Variants in TRAF3IP2 observed in about 807,000 individuals in gnomAD.
TRAF3IP2 encodes TRAF3 interacting protein 2.
Under a neutral mutation model 57.9 loss-of-function variants are expected in TRAF3IP2, and 35 were observed. The observed-to-expected ratio is 0.60, with a 90% CI of 0.46 to 0.80. The LOEUF (loss-of-function observed/expected upper bound fraction) is 0.80. TRAF3IP2 is among the 30% of genes least tolerant of loss of function. TRAF3IP2 has a pLI of 0.00. For synonymous variants in TRAF3IP2, 251 were observed against 268.9 expected (o/e 0.93, Z 0.65); for missense variants, 556 against 706.4 (o/e 0.79, Z 2.41).
intron 1 of TRAF3IP2, chr6:111,600,539 G>A (rs1415337493): frequency 1.3e-5 from 2 of 152,208 alleles, no homozygotes; most frequent in South Asian, 2.1e-4. Flanking sequence ...ATAAATCACG[G>A]GTTGGCAAAC....
At chr6:111,571,746 GAAAC>G (rs1437911376) in intron 5 of TRAF3IP2, among the ~76,000 whole-genome samples, 1 of 152,060 alleles carries the variant, frequency 6.6e-6, no homozygotes, top group East Asian at 1.9e-4. Context: ...CCAACATAGT[GAAAC>G]CCCATCTCTA....
intron 5 of TRAF3IP2, among the ~76,000 whole-genome samples, chr6:111,568,558 CAGGGAG>C (rs1184255903): frequency 6.6e-6 from 1 of 151,696 alleles, no homozygotes; most frequent in African/African-American, 2.4e-5. Context: ...ATGGGTGACT[CAGGGAG>C]AGTGTCCCTG....
chr6:111,568,432 A>AGTGTGTGT (rs58088162), intron 5 of TRAF3IP2, among the ~76,000 whole-genome samples: 91 of 146,818 alleles, frequency 6.2e-4, no homozygotes, highest in Non-Finnish European at 1.0e-3. Flanking sequence ...TATACTGCAG[A>AGTGTGTGT]GTGTGTGTGT....
chr6:111,567,690 A>C lies in TRAF3IP2; in HGVS notation c.1293T>G (p.Ile431Met). The change falls in exon 6 of 9, where the codon ATT becomes ATG. Residue 431 changes from isoleucine to methionine, a missense_variant and splice_region_variant. Physicochemically the swap from Ile to Met is conservative, Grantham distance 10 (BLOSUM62 1). Coordinates refer to ENST00000368761, the MANE Select transcript of TRAF3IP2 (RefSeq NM_147686.4). ...FLLVNGFQTAIDIFEDRIRGI... is the reference protein window; with the variant it reads ...FLLVNGFQTAMDIFEDRIRGI... ...CTCGGATTCTATCCTCAAATATGTC[A>C]ATCTGCAAAAAAAAAGATGTGGGAG... is the stretch of plus-strand genomic sequence containing the variant. 1 of 1,603,350 alleles carries C rather than the reference A, an allele frequency of 6.2e-7. No homozygotes were observed. Among genetic ancestry groups the C allele is most frequent in the Non-Finnish European group, 8.5e-7 (1 of 1,176,434 alleles).
rs993768636 is a variant in TRAF3IP2, at chr6:111,580,201, G to A, written c.1018C>T (p.His340Tyr). The part of the protein sequence containing the change: ...RDCSFPGLPR[H>Y]QDQPHHQPPN... Reference sequence around the variant, plus strand: ...GGTTGGGCCTGTCATACTTACTGGTGCCTTGGAAGCCCCGGAAAGGAGCAG... The same window carrying A: ...GGTTGGGCCTGTCATACTTACTGGTACCTTGGAAGCCCCGGAAAGGAGCAG... Residue 340 changes from histidine to tyrosine, a missense_variant, in exon 3 of 9, where the codon CAC becomes TAC. This residue lies in a region of TRAF3IP2 where 428 missense variants were observed against 498.7 expected (regional missense o/e 0.86). Transcript: ENST00000368761. 3 of 1,613,904 alleles carry A rather than the reference G, an allele frequency of 1.9e-6. No individual in the cohort carries two copies. The highest frequency in any genetic ancestry group is 1.3e-5 in the African/African-American group (1 of 75,048).
In TRAF3IP2 at chr6:111,558,266, C is replaced by T. The variant is rs1240661583; in HGVS notation, c.*1139G>A. Reference sequence around the variant, plus strand: ...GTCATACAGCTAATTGGTGGTAGAACCAAAATTAGAACACAGACTACAATT... The same window carrying T: ...GTCATACAGCTAATTGGTGGTAGAATCAAAATTAGAACACAGACTACAATT... On this transcript the variant is annotated 3_prime_UTR_variant, in exon 9 of 9. Transcript: ENST00000368761. The T allele has an allele frequency of 2.0e-5, 3 of 152,146 alleles. No homozygotes were observed. Among genetic ancestry groups the T allele is most frequent in the African/African-American group, 4.8e-5 (2 of 41,416 alleles). The allele number at this position is 152,146 out of a possible 1,614,324, so 9.4% of individuals were successfully genotyped here. A position where few individuals can be genotyped will look rare whatever the true frequency, so the allele number is the denominator to read the frequency against.
intron 1 of TRAF3IP2, among the ~76,000 whole-genome samples, chr6:111,592,998 G>GT (rs1796568002): frequency 1.3e-5 from 2 of 152,190 alleles, no homozygotes; most frequent in African/African-American, 4.8e-5. Flanking sequence ...GCTTTTAGCT[G>GT]TAAGAAGAAC....
intron 2 of TRAF3IP2, among the ~76,000 whole-genome samples, chr6:111,583,146 T>C (rs1464929481): frequency 6.6e-6 from 1 of 152,232 alleles, no homozygotes; most frequent in East Asian, 1.9e-4. Context: ...TGTGAAAGCA[T>C]GGACTGTGTC....
intron 2 of TRAF3IP2, among the ~76,000 whole-genome samples, chr6:111,583,644 T>C (rs979544987): frequency 1.3e-5 from 2 of 152,234 alleles, no homozygotes; most frequent in Non-Finnish European, 2.9e-5. Context: ...GGGCTCCCAC[T>C]GATTCTACAT....
In TRAF3IP2 at chr6:111,580,366, C is replaced by A; in HGVS notation, c.853G>T (p.Ala285Ser). The A allele has an allele frequency of 6.4e-7, 1 of 1,571,616 alleles. No individual in the cohort carries two copies. The highest frequency in any genetic ancestry group is 8.6e-7 in the Non-Finnish European group (1 of 1,163,238). Residue 285 changes from alanine (A) to serine (S), a missense_variant, in exon 3 of 9, where the codon GCC becomes TCC. Physicochemically the swap from Ala to Ser is moderately conservative, Grantham distance 99. Coordinates refer to ENST00000368761, the MANE Select transcript of TRAF3IP2 (RefSeq NM_147686.4). ...VPYGHDYPRA[A>S]YQQVIQPALP... ...GCCGGCTGGATCACTTGCTGGTAGG[C>A]TGCTCGAGGGTAGTCATGGCCATCT...
Position 111,591,396 on chromosome 6 carries a change from G to C in TRAF3IP2, c.691C>G (p.Leu231Val), listed in dbSNP as rs149860754. 38 of 1,549,478 alleles carry C rather than the reference G, an allele frequency of 2.5e-5. 1 individual carries two copies. Among genetic ancestry groups the C allele is most frequent in the Non-Finnish European group, 3.1e-5 (36 of 1,150,578 alleles). ...VCYPQDLPRPLRSREFPQFEP... is the reference protein window; with the variant it reads ...VCYPQDLPRPVRSREFPQFEP... Reference sequence around the variant, plus strand: ...AACTGAGGGAACTCCCTGGACCTGAGAGGTCTGGGGAGGTCCTGGGGGTAA... The same window carrying C: ...AACTGAGGGAACTCCCTGGACCTGACAGGTCTGGGGAGGTCCTGGGGGTAA... Residue 231 changes from leucine to valine, a missense_variant, in exon 2 of 9, where the codon CTC (leucine) becomes GTC (valine). Physicochemically the swap from Leu to Val is conservative, Grantham distance 32 (BLOSUM62 1). This residue lies in a region of TRAF3IP2 where 428 missense variants were observed against 498.7 expected (regional missense o/e 0.86). Coordinates refer to ENST00000368761, the MANE Select transcript of TRAF3IP2 (RefSeq NM_147686.4). This position sits in a 1 kb window ranked among gnomAD's most constrained non-coding sequence, Gnocchi z 4.9.
At position 111,558,733 on chromosome 6, in the gene TRAF3IP2, C is replaced by A. The variant is rs1267953321; in HGVS notation, c.*672G>T. On this transcript the variant is annotated 3_prime_UTR_variant, in exon 9 of 9. Transcript: ENST00000368761. ...TACAGGTGTGAGTCACTGCGCCCAG[C>A]CTAAAAATCTTTATTGCAAGAATAA... is the stretch of plus-strand genomic sequence containing the variant. 6.6e-6 allele frequency: 1 copy of A among 152,134 alleles called. No homozygotes were observed. Among genetic ancestry groups the A allele is most frequent in the Non-Finnish European group, 1.5e-5 (1 of 68,048 alleles). The allele number at this position is 152,134 out of a possible 1,614,324, so 9.4% of individuals were successfully genotyped here.
intron 1 of TRAF3IP2, chr6:111,594,448 T>C (rs1283995378): frequency 9.2e-6 from 4 of 432,676 alleles, no homozygotes; most frequent in Non-Finnish European, 1.8e-5. Context: ...TTTTCCAGTG[T>C]GAGTACCTTA....
Position 111,591,118 on chromosome 6 carries a change from A to G in TRAF3IP2, c.829+140T>C. On this transcript the variant is annotated intron_variant, in intron 2 of 8. Coordinates refer to ENST00000368761, the MANE Select transcript of TRAF3IP2 (RefSeq NM_147686.4). This position sits in a 1 kb window ranked among gnomAD's most constrained non-coding sequence, Gnocchi z 4.9. ...CCTTTGCAAATCCAGCCACACATGG[A>G]AAGCCCCTAAGAGAAGCAGAATGCC... is the stretch of plus-strand genomic sequence containing the variant. 3.5e-6 allele frequency: 2 copies of G among 573,140 alleles called. No homozygotes were observed. Among genetic ancestry groups the G allele is most frequent in the South Asian group, 1.3e-4 (2 of 15,900 alleles). 35.5% of individuals were successfully genotyped at this position (573,140 alleles called of 1,614,324 possible).
chr6:111,567,891 G>C (rs550714072), intron 5 of TRAF3IP2, among the ~76,000 whole-genome samples, 199 bp from the exon 6 acceptor site: 1 of 152,312 alleles, frequency 6.6e-6, no homozygotes, highest in South Asian at 2.1e-4. Flanking sequence ...AGGCATTTAA[G>C]TAGTTAATGT....
rs1266799553 is a variant in TRAF3IP2 at position 111,594,462 on chromosome 6, G to A, written c.-8-2368C>T. 1.3e-5 allele frequency: 6 copies of A among 447,502 alleles called. No individual in the cohort carries two copies. In the Admixed American group the frequency reaches 1.5e-4, roughly 11 times the overall value. The allele number at this position is 447,502 out of a possible 1,614,324, so 27.7% of individuals were successfully genotyped here. A position where few individuals can be genotyped will look rare whatever the true frequency, so the allele number is the denominator to read the frequency against. On this transcript the variant is annotated intron_variant, in intron 1 of 8. Transcript: ENST00000368761. ...GTTTTCCAGTGTGAGTACCTTAGAAGCGCTTTTCTACCTAAAGAAAAAAAA... is the reference window on the plus strand; with the variant it reads ...GTTTTCCAGTGTGAGTACCTTAGAAACGCTTTTCTACCTAAAGAAAAAAAA...
At position 111,575,565 on chromosome 6, in the gene TRAF3IP2, G is replaced by T. The variant is rs61585604; in HGVS notation, c.1201+78C>A. 423 of 1,499,142 alleles carry T rather than the reference G, an allele frequency of 2.8e-4. 4 individuals carry two copies. The African/African-American group carries it at 5.8e-3, about 21-fold the overall frequency. 92.9% of individuals were successfully genotyped at this position (1,499,142 alleles called of 1,614,324 possible). ...ATCGCACCACTGCACTCCAGCCTGG[G>T]CAACAGAGCGAGACTCCGTCTCAAA... is the stretch of plus-strand genomic sequence containing the variant. On this transcript the variant is annotated intron_variant, in intron 4 of 8. Transcript: ENST00000368761.
intron 7 of TRAF3IP2, 29 bp downstream of exon 7, chr6:111,566,415 T>C: frequency 6.5e-7 from 1 of 1,535,360 alleles, no homozygotes; most frequent in Non-Finnish European, 9.0e-7. Context: ...CAGGGGACAG[T>C]GAGGTGTTGT....
At chr6:111,597,666 A>G (rs11153302) in intron 1 of TRAF3IP2, among the ~76,000 whole-genome samples, 65,765 of 151,696 alleles carry the variant, frequency 0.43, 15,136 homozygotes, top group Admixed American at 0.52. Flanking sequence ...TACAAAGAAA[A>G]CCATTCAGCA....
Sources: allele counts gnomAD v4.1 joint callset (sites outside exome capture counted in the v4.1 genomes callset), GRCh38; gene constraint gnomAD v4.1.1; regional missense constraint gnomAD v4.1.1; non-coding constraint Gnocchi (gnomAD v3.1); transcripts MANE v1.5; gene names NCBI Gene and HGNC (gene_info 2026-07-23, HGNC 2026-07-21).